The following CCDC178 variants were observed in gnomAD, a reference collection of about 807,000 sequenced individuals.
CCDC178 encodes the protein coiled-coil domain-containing protein 178.
In CCDC178, 126 loss-of-function variants were observed where a neutral mutation model predicts 117.4. That is an observed-to-expected ratio of 1.07 (90% confidence interval 0.93 to 1.24). The LOEUF (loss-of-function observed/expected upper bound fraction) is 1.24. CCDC178 is among the 50% of genes most tolerant of loss of function. The pLI, the probability that CCDC178 is intolerant of heterozygous loss-of-function variation, is 0.00. For synonymous variants in CCDC178, 283 were observed against 313.4 expected, an observed-to-expected ratio of 0.90 and a Z score of 1.02; for missense variants, 1,030 against 986.9, an observed-to-expected ratio of 1.04 and a Z score of -0.59.
chr18:33,211,002 TA>T (rs2059100789), intron 20 of CCDC178, among the ~76,000 whole-genome samples: 1 of 151,624 alleles, frequency 6.6e-6, no homozygotes, highest in Non-Finnish European at 1.5e-5. Flanking sequence ...AAATAGTCTT[TA>T]AAAAAAAGTT....
At chr18:33,275,869 T>A (rs956500441) in intron 12 of CCDC178, among the ~76,000 whole-genome samples, 2 of 152,018 alleles carry the variant, frequency 1.3e-5, no homozygotes, top group Admixed American at 1.3e-4. Flanking sequence ...TATTATGACA[T>A]GTTCCTAGTA....
chr18:33,030,087 A>G (rs1031190977), intron 21 of CCDC178, among the ~76,000 whole-genome samples: 12 of 152,074 alleles, frequency 7.9e-5, no homozygotes, highest in African/African-American at 2.9e-4. Context: ...TTTAACTCAT[A>G]TTGCTGAATT....
At chr18:32,957,994 T>C (rs796375309) in intron 22 of CCDC178, 49 of 293,726 alleles carry the variant, frequency 1.7e-4, no homozygotes, top group African/African-American at 1.0e-3. Flanking sequence ...AGTATCTCTT[T>C]AGTTATCCTT....
At chr18:33,195,772 C>T (rs1047789400) in intron 20 of CCDC178, among the ~76,000 whole-genome samples, 1 of 152,294 alleles carries the variant, frequency 6.6e-6, no homozygotes, top group South Asian at 2.1e-4. Context: ...TAGACAGAGT[C>T]CTATGATAAT....
intron 7 of CCDC178, among the ~76,000 whole-genome samples, chr18:33,350,779 T>C (rs1468789661): frequency 6.6e-6 from 1 of 152,132 alleles, no homozygotes; most frequent in Non-Finnish European, 1.5e-5. Context: ...TCCTTTTGGG[T>C]ATATATCTTG....
intron 20 of CCDC178, among the ~76,000 whole-genome samples, chr18:33,142,047 C>T (rs184294989): frequency 6.6e-6 from 1 of 152,234 alleles, no homozygotes; most frequent in African/African-American, 2.4e-5. Context: ...CAAATAAAAG[C>T]CTATTCTTTA....
chr18:32,961,856 C>T (rs919715752), intron 22 of CCDC178, among the ~76,000 whole-genome samples: 11 of 151,950 alleles, frequency 7.2e-5, no homozygotes, highest in African/African-American at 2.7e-4. Context: ...GGGTTGAGGA[C>T]CCTTGGTCTA....
At chr18:33,145,536 AT>A (rs2058257617) in intron 20 of CCDC178, among the ~76,000 whole-genome samples, 1 of 152,176 alleles carries the variant, frequency 6.6e-6, no homozygotes, top group African/African-American at 2.4e-5. Flanking sequence ...ATTTTGCAAA[AT>A]TTTTAAAATT....
At chr18:33,048,169 T>C (rs2056679799) in intron 21 of CCDC178, among the ~76,000 whole-genome samples, 2 of 152,138 alleles carry the variant, frequency 1.3e-5, no homozygotes, top group Admixed American at 1.3e-4. Flanking sequence ...CTGAGACAGA[T>C]CTCTCTCTAG....
chr18:33,259,658 C>G (rs527829115), intron 14 of CCDC178, among the ~76,000 whole-genome samples: 14 of 152,092 alleles, frequency 9.2e-5, no homozygotes, highest in East Asian at 3.9e-4. Context: ...TCACCCCCCC[C>G]CACCAGTCCC....
intron 14 of CCDC178, among the ~76,000 whole-genome samples, chr18:33,247,091 T>A (rs1280092779): frequency 1.4e-5 from 2 of 148,124 alleles, no homozygotes; most frequent in African/African-American, 5.1e-5. Flanking sequence ...TGTGTGTGTG[T>A]GTGAGAGAGA....
intron 3 of CCDC178, among the ~76,000 whole-genome samples, chr18:33,406,314 G>T (rs1166032828): frequency 6.6e-6 from 1 of 151,964 alleles, no homozygotes; most frequent in Non-Finnish European, 1.5e-5. Flanking sequence ...TAAGTGATGG[G>T]CAGAAATATA....
chr18:33,215,432 AC>A, intron 19 of CCDC178, 117 bp downstream of exon 19: 2 of 651,338 alleles, frequency 3.1e-6, no homozygotes, highest in Non-Finnish European at 4.7e-6. Context: ...TATATTCCAC[AC>A]TACGTTATAA....
intron 15 of CCDC178, among the ~76,000 whole-genome samples, chr18:33,239,548 G>A (rs1314189389): frequency 6.7e-6 from 1 of 148,500 alleles, no homozygotes; most frequent in Non-Finnish European, 1.5e-5. Flanking sequence ...CCAAAAGTGA[G>A]CAAGAATAGC....
At chr18:33,355,042 T>C (rs2063034980) in intron 7 of CCDC178, among the ~76,000 whole-genome samples, 1 of 152,322 alleles carries the variant, frequency 6.6e-6, no homozygotes, top group South Asian at 2.1e-4. Context: ...TTTAAGTCAA[T>C]TGATTTATCT....
chr18:33,309,889 A>G (rs2062311852), intron 11 of CCDC178, among the ~76,000 whole-genome samples: 1 of 152,044 alleles, frequency 6.6e-6, no homozygotes. Context: ...CTTATATGGT[A>G]AATATTTGTC....
chr18:33,379,447 CT>C (rs1017046593), intron 5 of CCDC178, among the ~76,000 whole-genome samples: 1 of 151,916 alleles, frequency 6.6e-6, no homozygotes, highest in Non-Finnish European at 1.5e-5. Context: ...GGGAGAAGCT[CT>C]TTTTTTGCTT....
At chr18:33,391,252 T>C (rs551020635) in intron 4 of CCDC178, among the ~76,000 whole-genome samples, 4 of 151,566 alleles carry the variant, frequency 2.6e-5, no homozygotes, top group East Asian at 1.9e-4. Flanking sequence ...TACTTTACAA[T>C]TGAAGTTACA....
At chr18:32,949,230 C>A (rs1413350728) in intron 22 of CCDC178, among the ~76,000 whole-genome samples, 1 of 151,992 alleles carries the variant, frequency 6.6e-6, no homozygotes. Context: ...GGTATAGTTT[C>A]TTACATATCT....
Sources: gnomAD v4.1 joint callset for allele counts (sites outside exome capture counted in the v4.1 genomes callset) on GRCh38, gnomAD v4.1.1 for gene constraint, MANE v1.5 for transcripts, NCBI Gene and HGNC (gene_info 2026-07-23, HGNC 2026-07-21) for gene names.